Variants in MAGI2 observed in about 807,000 individuals in gnomAD.
MAGI2 encodes the protein membrane-associated guanylate kinase, WW and PDZ domain-containing protein 2.
Under a neutral mutation model 133.3 loss-of-function variants are expected in MAGI2, and 35 were observed. That is an observed-to-expected ratio of 0.26 (90% CI 0.20 to 0.35). The LOEUF (loss-of-function observed/expected upper bound fraction) is 0.35. Among genes scored for constraint, MAGI2 ranks in the 10% least tolerant of loss-of-function variants. The probability of loss-of-function intolerance (pLI) is 1.00; values close to 1 mark genes in which losing one functional copy is unlikely to be tolerated. For synonymous variants in MAGI2, 729 were observed against 710.6 expected (o/e 1.03, Z -0.41); for missense variants, 1,636 against 1,863.4 (o/e 0.88, Z 2.25).
chr7:79,325,038 A>C (rs1429024179), intron 1 of MAGI2, among the ~76,000 whole-genome samples: 1 of 152,048 alleles, frequency 6.6e-6, no homozygotes, highest in Non-Finnish European at 1.5e-5. Flanking sequence ...GATGAGAGAC[A>C]AATAACTAAA....
At position 79,425,578 on chromosome 7, in the gene MAGI2, T is replaced by TTATATA. The variant is rs10639427; in HGVS notation, c.301+27436_301+27441dup. 3.5e-3 allele frequency among the ~76,000 whole-genome samples: 458 copies of TTATATA among 131,360 alleles called. 3 individuals are homozygous for TTATATA. The highest frequency in any genetic ancestry group is 0.011 in the South Asian group (49 of 4,454). 86.2% of individuals were successfully genotyped at this position (131,360 alleles called of 152,430 possible). A position where few individuals can be genotyped will look rare whatever the true frequency, so the allele number is the denominator to read the frequency against. On this transcript the variant is annotated intron_variant, in intron 1 of 21. Coordinates refer to ENST00000354212, the MANE Select transcript of MAGI2 (RefSeq NM_012301.4). ...AACTGTTTTGCAGAAAATAAGGGTT[T>TTATATA]TATATATATATATATATATATGTAT...
chr7:78,801,929 G>A (rs1788094943), intron 2 of MAGI2, among the ~76,000 whole-genome samples: 1 of 152,082 alleles, frequency 6.6e-6, no homozygotes, highest in Admixed American at 6.5e-5. Context: ...CAAATACTAT[G>A]AAATGCACCG....
At chr7:78,020,299 T>C (rs1808253663) in intron 21 of MAGI2, among the ~76,000 whole-genome samples, 1 of 152,180 alleles carries the variant, frequency 6.6e-6, no homozygotes, top group African/African-American at 2.4e-5. Context: ...TAGTCCTGTA[T>C]AGACAGCTCA....
chr7:78,937,043 T>C (rs867507697), intron 2 of MAGI2, among the ~76,000 whole-genome samples: 1 of 151,968 alleles, frequency 6.6e-6, no homozygotes, highest in African/African-American at 2.4e-5. Flanking sequence ...GAACCAGGGT[T>C]CCTTAGAAAA....
chr7:78,883,596 C>T lies in MAGI2; in HGVS notation c.418+123494G>A, dbSNP rs188094072. Among the ~76,000 whole-genome samples the T allele has an allele frequency of 3.1e-3, 467 of 152,192 alleles. 4 individuals are homozygous for T. The highest frequency in any genetic ancestry group is 0.011 in the African/African-American group (443 of 41,530). ...TAAGAAAAAAGAACAAAGCTGGAGG[C>T]ATCGCATTATCCAACTTCAAACTAT... On this transcript the variant is annotated intron_variant, in intron 2 of 21. Transcript: ENST00000354212.
chr7:78,345,870 G>A, intron 8 of MAGI2, 52 bp downstream of exon 8: 1 of 1,603,676 alleles, frequency 6.2e-7, no homozygotes, highest in Non-Finnish European at 8.5e-7. Context: ...AGAGCAGGCA[G>A]TTTGACAGAC....
intron 12 of MAGI2, among the ~76,000 whole-genome samples, chr7:78,194,149 T>C (rs1241083138): frequency 1.3e-5 from 2 of 152,228 alleles, no homozygotes; most frequent in African/African-American, 2.4e-5. Context: ...ATTCTTCTGA[T>C]ACTGTGAGAT....
chr7:78,106,205 G>A (rs1818672603), intron 20 of MAGI2, among the ~76,000 whole-genome samples: 1 of 151,920 alleles, frequency 6.6e-6, no homozygotes. Flanking sequence ...TCCTTTTTCT[G>A]TAGCTGAATA....
intron 6 of MAGI2, among the ~76,000 whole-genome samples, chr7:78,417,901 A>G (rs1021945427): frequency 6.6e-6 from 1 of 152,162 alleles, no homozygotes; most frequent in African/African-American, 2.4e-5. Context: ...GGCAAGTTTC[A>G]ATCACCATCT....
intron 2 of MAGI2, among the ~76,000 whole-genome samples, chr7:78,909,003 A>G (rs1387406285): frequency 6.6e-6 from 1 of 152,162 alleles, no homozygotes; most frequent in Non-Finnish European, 1.5e-5. Context: ...CAGCAAAAGA[A>G]ACTATCATCA....
intron 10 of MAGI2, among the ~76,000 whole-genome samples, chr7:78,225,698 C>T (rs558642512): frequency 3.3e-5 from 5 of 152,286 alleles, no homozygotes; most frequent in African/African-American, 1.2e-4. Flanking sequence ...AAAACCAAGT[C>T]CATATTTGGC....
intron 6 of MAGI2, among the ~76,000 whole-genome samples, chr7:78,444,862 T>A (rs1489814740): frequency 6.8e-6 from 1 of 148,098 alleles, no homozygotes; most frequent in Non-Finnish European, 1.5e-5. Flanking sequence ...TATATAAAAA[T>A]ATATAAATTT....
intron 1 of MAGI2, among the ~76,000 whole-genome samples, chr7:79,440,956 A>T (rs1848459737): frequency 6.6e-6 from 1 of 152,202 alleles, no homozygotes; most frequent in Non-Finnish European, 1.5e-5. Context: ...AGCAACTTTC[A>T]TAGGCAGAAA....
chr7:78,082,287 G>A (rs1816061542), intron 20 of MAGI2, among the ~76,000 whole-genome samples: 1 of 152,176 alleles, frequency 6.6e-6, no homozygotes, highest in African/African-American at 2.4e-5. Flanking sequence ...AAAGGAGAAG[G>A]CATTAGCCTG....
At chr7:79,285,056 TACC>T (rs1294866869) in intron 1 of MAGI2, among the ~76,000 whole-genome samples, 1 of 152,018 alleles carries the variant, frequency 6.6e-6, no homozygotes, top group African/African-American at 2.4e-5. Flanking sequence ...CAAGAACCTC[TACC>T]ATGCCCATAA....
intron 2 of MAGI2, among the ~76,000 whole-genome samples, chr7:78,747,490 A>G (rs1284328452): frequency 6.6e-6 from 1 of 152,134 alleles, no homozygotes; most frequent in Non-Finnish European, 1.5e-5. Flanking sequence ...CATTAACAAG[A>G]GGTTACCAAT....
At chr7:78,783,825 G>A (rs999966583) in intron 2 of MAGI2, among the ~76,000 whole-genome samples, 12 of 152,134 alleles carry the variant, frequency 7.9e-5, no homozygotes, top group Non-Finnish European at 1.3e-4. Flanking sequence ...GTGAAATCAC[G>A]TTTAATTTTA....
At chr7:78,361,112 T>G (rs1370956641) in intron 7 of MAGI2, among the ~76,000 whole-genome samples, 2 of 152,146 alleles carry the variant, frequency 1.3e-5, no homozygotes, top group Non-Finnish European at 2.9e-5. Flanking sequence ...AAAAAATGCT[T>G]GGGCCAGGCG....
chr7:78,255,309 T>C (rs1792852944), intron 10 of MAGI2: 1 of 156,496 alleles, frequency 6.4e-6, no homozygotes, highest in African/African-American at 2.4e-5. Flanking sequence ...GCCCTCACCC[T>C]GTTCTGTAAC....
Sources: gnomAD v4.1 joint callset for allele counts (sites outside exome capture counted in the v4.1 genomes callset) on GRCh38, gnomAD v4.1.1 for gene constraint, MANE v1.5 for transcripts, NCBI Gene and HGNC (gene_info 2026-07-23, HGNC 2026-07-21) for gene names.